The following GLRA2 variants were observed in gnomAD, a reference collection of about 807,000 sequenced individuals.
GLRA2 encodes the protein glycine receptor subunit alpha-2.
Under a neutral mutation model 31.6 loss-of-function variants are expected in GLRA2, and 11 were observed. The ratio of observed to expected loss-of-function variants is 0.35; its 90% CI spans 0.22 to 0.58. The LOEUF is 0.58. Ranked by LOEUF, GLRA2 falls within the 20% of genes least tolerant of loss-of-function variation. The probability of loss-of-function intolerance (pLI) is 0.84; values close to 1 mark genes in which losing one functional copy is unlikely to be tolerated. For synonymous variants in GLRA2, 132 were observed against 134.0 expected (o/e 0.99, Z 0.10); for missense variants, 212 against 351.8 (o/e 0.60, Z 3.18).
the GLRA2 span, among the ~76,000 whole-genome samples, chrX:14,499,223 A>G: frequency 8.9e-6 from 1 of 111,769 alleles, no homozygotes; most frequent in African/African-American, 3.3e-5. Context: ...TTGCATTTTC[A>G]ACAACAGTGT....
chrX:14,705,298 G>GTTCTCAGCCA (rs1319596579), intron 8 of GLRA2, among the ~76,000 whole-genome samples: 1 of 111,633 alleles, frequency 9.0e-6, no homozygotes, highest in Non-Finnish European at 1.9e-5. Context: ...TAAGGCAGTG[G>GTTCTCAGCCA]TTCTCAGCCA....
chrX:14,544,143 A>C (rs933713062), intron 2 of GLRA2, among the ~76,000 whole-genome samples: 1 of 112,221 alleles, frequency 8.9e-6, no homozygotes, highest in Non-Finnish European at 1.9e-5. Flanking sequence ...TCTACAAGTT[A>C]GAATATTATT....
intron 2 of GLRA2, among the ~76,000 whole-genome samples, chrX:14,548,340 C>T (rs935386360): frequency 1.8e-5 from 2 of 111,544 alleles, no homozygotes; most frequent in African/African-American, 6.5e-5. Flanking sequence ...ACAGCTGCTG[C>T]CCTTTCTATT....
intron 2 of GLRA2, among the ~76,000 whole-genome samples, chrX:14,571,176 A>G (rs1383485752): frequency 8.9e-6 from 1 of 112,153 alleles, no homozygotes; most frequent in Non-Finnish European, 1.9e-5. Flanking sequence ...TTCTCATTCA[A>G]CTCATTTTTG....
At chrX:14,481,419 C>T in the GLRA2 span, among the ~76,000 whole-genome samples, 22 of 110,931 alleles carry the variant, frequency 2.0e-4, no homozygotes, top group African/African-American at 2.6e-4. Flanking sequence ...AGGTCAATAG[C>T]GAGTTATGGG....
chrX:14,580,839 A>G (rs2090008632), intron 3 of GLRA2, among the ~76,000 whole-genome samples: 1 of 111,475 alleles, frequency 9.0e-6, no homozygotes, highest in African/African-American at 3.3e-5. Flanking sequence ...TTATTTGACA[A>G]TCTGCCATGA....
chrX:14,720,792 T>C (rs753115394), intron 8 of GLRA2, among the ~76,000 whole-genome samples: 2 of 112,212 alleles, frequency 1.8e-5, no homozygotes, highest in Admixed American at 1.9e-4. Context: ...TTTCATTTTA[T>C]ACTATCTTTG....
At chrX:14,538,341 T>C (rs920057631) in intron 2 of GLRA2, among the ~76,000 whole-genome samples, 13 of 111,938 alleles carry the variant, frequency 1.2e-4, no homozygotes, top group African/African-American at 3.9e-4. Context: ...TTTTCAACTG[T>C]TACTATTATA....
intron 7 of GLRA2, among the ~76,000 whole-genome samples, chrX:14,658,148 C>T (rs773046221): frequency 8.5e-4 from 94 of 111,163 alleles, no homozygotes; most frequent in Admixed American, 2.0e-3. Context: ...TTACAAAATT[C>T]GGCTCAAGAA....
At position 14,688,383 on chromosome X, in the gene GLRA2, T is replaced by C. The variant is rs186226711; in HGVS notation, c.931-2327T>C. 5.6e-3 allele frequency among the ~76,000 whole-genome samples: 626 copies of C among 111,788 alleles called. 22 individuals are homozygous for C. In the East Asian group the frequency reaches 0.081, roughly 14 times the overall value. ...GTTTCTGCTGCCTTTTGTTTGGCTATGCCCTGCCCCGAGAGGTGGAGTCTA... is the reference window on the plus strand; with the variant it reads ...GTTTCTGCTGCCTTTTGTTTGGCTACGCCCTGCCCCGAGAGGTGGAGTCTA... On this transcript the variant is annotated intron_variant, in intron 7 of 8. Coordinates refer to ENST00000218075, the MANE Select transcript of GLRA2 (RefSeq NM_002063.4).
At chrX:14,583,513 T>C (rs1359368935) in intron 4 of GLRA2, among the ~76,000 whole-genome samples, 1 of 111,755 alleles carries the variant, frequency 8.9e-6, no homozygotes, top group Non-Finnish European at 1.9e-5. Flanking sequence ...CCGAAATGGG[T>C]GGATCACGAG....
the GLRA2 span, among the ~76,000 whole-genome samples, chrX:14,500,537 G>T: frequency 3.6e-5 from 4 of 112,236 alleles, no homozygotes; most frequent in Admixed American, 3.8e-4. Context: ...AGGTACTCTT[G>T]ATGCTTCCTG....
At chrX:14,690,661 C>G in intron 7 of GLRA2, 49 bp from the exon 8 acceptor site, 2 of 360,097 alleles carry the variant, frequency 5.6e-6, no homozygotes, top group Non-Finnish European at 8.6e-6. Flanking sequence ...GTCTTTCTTT[C>G]TCTCTCTCTC....
chrX:14,662,475 G>C (rs1340934432), intron 7 of GLRA2, among the ~76,000 whole-genome samples: 6 of 111,886 alleles, frequency 5.4e-5, no homozygotes, highest in African/African-American at 1.9e-4. Context: ...TTTCAGATGT[G>C]AATGATGATA....
chrX:14,596,595 C>T (rs926853543), intron 4 of GLRA2, among the ~76,000 whole-genome samples: 2 of 110,556 alleles, frequency 1.8e-5, no homozygotes, highest in East Asian at 2.8e-4. Context: ...TGCTGTGAGC[C>T]GAGATCATGC....
intron 7 of GLRA2, among the ~76,000 whole-genome samples, chrX:14,687,842 G>A (rs951152915): frequency 5.3e-5 from 6 of 112,526 alleles, no homozygotes; most frequent in Admixed American, 2.8e-4. Context: ...CACTGCTGGC[G>A]AGGAGCTGCA....
At chrX:14,545,732 C>T (rs2089470239) in intron 2 of GLRA2, among the ~76,000 whole-genome samples, 1 of 111,461 alleles carries the variant, frequency 9.0e-6, no homozygotes, top group Admixed American at 9.5e-5. Context: ...TCCAGGGTCA[C>T]AGCTTCTCCA....
intron 7 of GLRA2, among the ~76,000 whole-genome samples, chrX:14,610,030 G>T (rs1191397837): frequency 8.9e-6 from 1 of 112,225 alleles, no homozygotes; most frequent in Non-Finnish European, 1.9e-5. Flanking sequence ...CACCCCAGAA[G>T]TGTGCCTTTG....
chrX:14,563,293 T>C (rs181890801), intron 2 of GLRA2, among the ~76,000 whole-genome samples: 22 of 112,194 alleles, frequency 2.0e-4, no homozygotes, highest in Non-Finnish European at 3.8e-4. Flanking sequence ...GTTGGTTGAT[T>C]GGTTGCTTTG....
Sources: gnomAD v4.1 joint callset for allele counts (sites outside exome capture counted in the v4.1 genomes callset) on GRCh38, gnomAD v4.1.1 for gene constraint, MANE v1.5 for transcripts, NCBI Gene and HGNC (gene_info 2026-07-23, HGNC 2026-07-21) for gene names.